Variants in PKNOX2 observed in about 807,000 individuals in gnomAD.
The protein encoded by PKNOX2 is homeobox protein PKNOX2.
A neutral mutation model predicts 53.1 loss-of-function variants in PKNOX2; 14 were observed. The observed-to-expected ratio is 0.26, with a 90% CI of 0.17 to 0.41. The LOEUF (loss-of-function observed/expected upper bound fraction) is 0.41, where lower values mean the gene tolerates loss of function less well. Among genes scored for constraint, PKNOX2 ranks in the 10% least tolerant of loss-of-function variants. The pLI is 1.00. For missense variants in PKNOX2, 496 were observed against 602.8 expected, an observed-to-expected ratio of 0.82 and a Z score of 1.85; for synonymous variants, 257 against 242.8, an observed-to-expected ratio of 1.06 and a Z score of -0.54.
rs563149463 is a variant in PKNOX2 at position 125,360,103 on chromosome 11, G to T, written c.88-7743G>T. Among the ~76,000 whole-genome samples the T allele has an allele frequency of 8.3e-4, 125 of 150,328 alleles. 1 individual carries two copies. In the Middle Eastern group the frequency reaches 0.017, roughly 21 times the overall value. On this transcript the variant is annotated intron_variant, in intron 4 of 12. Coordinates refer to ENST00000298282, the MANE Select transcript of PKNOX2 (RefSeq NM_001382323.2). ...AGAGGTTGCGGTGAGCCGAGATGGT[G>T]CCATTGCACTCCAGCCTGGGCAACA... is the stretch of plus-strand genomic sequence containing the variant.
At chr11:125,366,240 G>C (rs113815906) in intron 4 of PKNOX2, among the ~76,000 whole-genome samples, 3 of 152,174 alleles carry the variant, frequency 2.0e-5, no homozygotes, top group African/African-American at 4.8e-5. Flanking sequence ...TCAAGCAATT[G>C]TCTTCTGGCT....
At chr11:125,378,918 T>G (rs1953019393) in intron 5 of PKNOX2, among the ~76,000 whole-genome samples, 1 of 152,068 alleles carries the variant, frequency 6.6e-6, no homozygotes. Context: ...TCTTTCTAAC[T>G]TCTTTTCTGT....
chr11:125,348,543 C>T (rs909789903), intron 3 of PKNOX2, among the ~76,000 whole-genome samples: 1 of 152,216 alleles, frequency 6.6e-6, no homozygotes, highest in African/African-American at 2.4e-5. Context: ...TGGCCCTGCT[C>T]CGCAGCCTGG....
At chr11:125,263,036 A>C (rs1338491389) in intron 2 of PKNOX2, among the ~76,000 whole-genome samples, 3 of 152,106 alleles carry the variant, frequency 2.0e-5, no homozygotes, top group Admixed American at 1.3e-4. Context: ...TGCTGCAGGG[A>C]GGGCCAAGAG....
intron 2 of PKNOX2, among the ~76,000 whole-genome samples, chr11:125,269,717 C>T (rs1945642547): frequency 1.3e-5 from 2 of 152,132 alleles, no homozygotes; most frequent in African/African-American, 4.8e-5. Context: ...TAGAATGGGG[C>T]AAGGGTGGTC....
At chr11:125,347,167 T>C (rs1011294888) in intron 3 of PKNOX2, among the ~76,000 whole-genome samples, 2 of 152,024 alleles carry the variant, frequency 1.3e-5, no homozygotes, top group Non-Finnish European at 2.9e-5. Context: ...CGTCTCCAGT[T>C]TGGGGCAGGT....
At chr11:125,369,416 A>G (rs920396049) in intron 5 of PKNOX2, among the ~76,000 whole-genome samples, 1 of 152,116 alleles carries the variant, frequency 6.6e-6, no homozygotes, top group Non-Finnish European at 1.5e-5. Context: ...TGTGGGATGG[A>G]CCTCCTTCCC....
At chr11:125,291,473 C>T (rs1429191229) in intron 2 of PKNOX2, among the ~76,000 whole-genome samples, 1 of 152,164 alleles carries the variant, frequency 6.6e-6, no homozygotes, top group East Asian at 1.9e-4. Context: ...CTTCTTAAAC[C>T]TTAGGCTAGC....
intron 4 of PKNOX2, among the ~76,000 whole-genome samples, chr11:125,364,300 T>C (rs774677260): frequency 3.9e-5 from 6 of 152,246 alleles, no homozygotes; most frequent in Non-Finnish European, 8.8e-5. Flanking sequence ...CCATGAGCTA[T>C]ATAAATTTGA....
chr11:125,427,150 C>G (rs896695656), intron 10 of PKNOX2, among the ~76,000 whole-genome samples: 1 of 152,232 alleles, frequency 6.6e-6, no homozygotes, highest in Non-Finnish European at 1.5e-5. Flanking sequence ...GGCACTAGGG[C>G]TTGACCCCAG....
At chr11:125,251,055 C>G (rs73017950) in intron 2 of PKNOX2, among the ~76,000 whole-genome samples, 5 of 152,232 alleles carry the variant, frequency 3.3e-5, no homozygotes, top group African/African-American at 1.2e-4. Context: ...GCCCCTCCAC[C>G]CCCTGGCAGC....
At position 125,432,532 on chromosome 11, in the gene PKNOX2, C is replaced by T. The variant is rs1204663925; in HGVS notation, c.*1140C>T. ...AATATCCTAAATGTGGGGGAGGGCC[C>T]AGAGAATGGCACCCAAGAGCCTGCG... is the stretch of plus-strand genomic sequence containing the variant. On this transcript the variant is annotated 3_prime_UTR_variant, in exon 13 of 13. Coordinates refer to ENST00000298282, the MANE Select transcript of PKNOX2 (RefSeq NM_001382323.2). The T allele has an allele frequency of 6.5e-6, 1 of 152,702 alleles. No homozygotes were observed. The highest frequency in any genetic ancestry group is 2.4e-5 in the African/African-American group (1 of 41,442). The allele number at this position is 152,702 out of a possible 1,614,324, so 9.5% of individuals were successfully genotyped here.
At chr11:125,179,492 A>AG (rs1195979824) in intron 1 of PKNOX2, among the ~76,000 whole-genome samples, 2 of 148,956 alleles carry the variant, frequency 1.3e-5, no homozygotes, top group African/African-American at 5.0e-5. Context: ...CGTCCCAGGC[A>AG]GGGGGAGCAT....
At chr11:125,293,488 G>A (rs1313656698) in intron 2 of PKNOX2, among the ~76,000 whole-genome samples, 1 of 152,158 alleles carries the variant, frequency 6.6e-6, no homozygotes, top group Non-Finnish European at 1.5e-5. Flanking sequence ...CTTGGGAAGA[G>A]ATCTTCCTTT....
chr11:125,424,461 C>T (rs1006402484), intron 10 of PKNOX2, among the ~76,000 whole-genome samples: 58 of 152,276 alleles, frequency 3.8e-4, no homozygotes, highest in African/African-American at 1.4e-3. Flanking sequence ...TCCTGGCTGC[C>T]TTCCTCTGGG....
intron 3 of PKNOX2, among the ~76,000 whole-genome samples, chr11:125,341,049 C>CAAAAA (rs58556639): frequency 2.4e-4 from 11 of 46,044 alleles, no homozygotes; most frequent in Admixed American, 5.3e-4. Context: ...GACTCCATCT[C>CAAAAA]AAAAAAAAAA....
At chr11:125,265,641 C>A (rs975237075) in intron 2 of PKNOX2, among the ~76,000 whole-genome samples, 3 of 152,196 alleles carry the variant, frequency 2.0e-5, no homozygotes, top group African/African-American at 4.8e-5. Context: ...GAGGCAGGGG[C>A]AGTGCGGGGC....
chr11:125,341,532 G>A (rs981421074), intron 3 of PKNOX2, among the ~76,000 whole-genome samples: 3 of 152,212 alleles, frequency 2.0e-5, no homozygotes, highest in African/African-American at 4.8e-5. Context: ...TCTGCTGGGG[G>A]GAACAGGGGC....
chr11:125,235,382 G>T (rs1375666874), intron 2 of PKNOX2, among the ~76,000 whole-genome samples: 1 of 152,226 alleles, frequency 6.6e-6, no homozygotes, highest in Non-Finnish European at 1.5e-5. Context: ...ATGAGTGCCG[G>T]AGAAGGAAGC....
Sources: gnomAD v4.1 joint callset for allele counts (sites outside exome capture counted in the v4.1 genomes callset) on GRCh38, gnomAD v4.1.1 for gene constraint, MANE v1.5 for transcripts, NCBI Gene and HGNC (gene_info 2026-07-23, HGNC 2026-07-21) for gene names.